The following NRXN3 variants were observed in gnomAD, a reference collection of about 807,000 sequenced individuals.
NRXN3 encodes the protein neurexin III.
Under a neutral mutation model 137.6 loss-of-function variants are expected in NRXN3, and 32 were observed. The observed-to-expected ratio is 0.23, with a 90% CI of 0.18 to 0.31. The LOEUF is 0.31. NRXN3 is among the 10% of genes least tolerant of loss of function. The pLI, the probability that NRXN3 is intolerant of heterozygous loss-of-function variation, is 1.00. For missense variants in NRXN3, 1,574 were observed against 2,062.5 expected (o/e 0.76, Z 4.59); for synonymous variants, 798 against 784.5 (o/e 1.02, Z -0.29).
At chr14:78,856,141 G>A (rs528525692) in intron 10 of NRXN3, among the ~76,000 whole-genome samples, 1 of 152,270 alleles carries the variant, frequency 6.6e-6, no homozygotes, top group South Asian at 2.1e-4. Context: ...ATGCCTACAG[G>A]CATTCCACAG....
intron 19 of NRXN3, among the ~76,000 whole-genome samples, chr14:79,793,447 C>T (rs947645851): frequency 8.6e-5 from 13 of 152,040 alleles, no homozygotes; most frequent in African/African-American, 3.1e-4. Context: ...AAACAAAGAC[C>T]CACAGTCATG....
At chr14:79,213,375 A>G (rs2153226749) in intron 15 of NRXN3, among the ~76,000 whole-genome samples, 1 of 152,310 alleles carries the variant, frequency 6.6e-6, no homozygotes, top group East Asian at 1.9e-4. Context: ...TCTATTAAAA[A>G]GTTTAATTTG....
Position 79,863,789 on chromosome 14 carries a change from G to T in NRXN3, c.*1825G>T, listed in dbSNP as rs12879016. On this transcript the variant is annotated 3_prime_UTR_variant, in exon 21 of 21. Transcript: ENST00000335750. ...ATGAAGTGTGTCCTCTGGAGGGTCA[G>T]ATATACAATTTCTTTTGTACAGATG... 106,276 of 152,440 alleles carry T rather than the reference G, an allele frequency of 0.7. 39,372 individuals carry two copies. The highest frequency in any genetic ancestry group is 0.81 in the Admixed American group (12,318 of 15,280). The allele number at this position is 152,440 out of a possible 1,614,324, so 9.4% of individuals were successfully genotyped here.
chr14:78,291,139 A>G (rs2075766302), intron 3 of NRXN3, among the ~76,000 whole-genome samples: 1 of 152,172 alleles, frequency 6.6e-6, no homozygotes, highest in South Asian at 2.1e-4. Context: ...TTTCTTCTCC[A>G]TTAGCACTGA....
chr14:79,762,251 A>G (rs1159667959), intron 19 of NRXN3, among the ~76,000 whole-genome samples: 1 of 151,696 alleles, frequency 6.6e-6, no homozygotes, highest in East Asian at 1.9e-4. Context: ...TATTCCTTGT[A>G]AGAAAATTAG....
At chr14:78,916,724 C>T (rs947330935) in intron 10 of NRXN3, among the ~76,000 whole-genome samples, 1 of 152,184 alleles carries the variant, frequency 6.6e-6, no homozygotes, top group African/African-American at 2.4e-5. Context: ...TACTAGTTTA[C>T]AAGGGCTGCC....
chr14:79,332,973 A>G (rs1051007486), intron 15 of NRXN3, among the ~76,000 whole-genome samples: 1 of 152,088 alleles, frequency 6.6e-6, no homozygotes, highest in African/African-American at 2.4e-5. Context: ...CTAGAGTTTT[A>G]TCCTTACCAA....
At position 78,242,984 on chromosome 14, in the gene NRXN3, G is replaced by A; in HGVS notation, c.-110G>A. ...GCTGCCTTCCTCCTGTGTGCTTTCT[G>A]TCCCCCCATCTCTGTCTTGTCTTTC... On this transcript the variant is annotated 5_prime_UTR_variant, in exon 2 of 21. Transcript: ENST00000335750. 1.4e-6 allele frequency: 1 copy of A among 731,418 alleles called. No homozygotes were observed. Among genetic ancestry groups the A allele is most frequent in the Admixed American group, 2.9e-5 (1 of 34,038 alleles). The allele number at this position is 731,418 out of a possible 1,614,324, so 45.3% of individuals were successfully genotyped here. A position where few individuals can be genotyped will look rare whatever the true frequency, so the allele number is the denominator to read the frequency against.
intron 14 of NRXN3, among the ~76,000 whole-genome samples, chr14:78,984,638 C>T (rs2099498381): frequency 6.6e-6 from 1 of 152,200 alleles, no homozygotes; most frequent in African/African-American, 2.4e-5. Context: ...TATGAGCAGG[C>T]ATCTGAACCA....
At chr14:78,934,493 G>A (rs968517032) in intron 10 of NRXN3, among the ~76,000 whole-genome samples, 4 of 152,162 alleles carry the variant, frequency 2.6e-5, no homozygotes, top group South Asian at 2.1e-4. Flanking sequence ...TGTTTCTGAG[G>A]AAGAAGGCAG....
chr14:79,824,096 T>C (rs2099282209), intron 20 of NRXN3, among the ~76,000 whole-genome samples: 1 of 152,230 alleles, frequency 6.6e-6, no homozygotes, highest in Admixed American at 6.5e-5. Flanking sequence ...GTTGTGTACA[T>C]ACTTAATGCC....
At chr14:78,584,459 G>A (rs1263450385) in intron 4 of NRXN3, among the ~76,000 whole-genome samples, 1 of 152,108 alleles carries the variant, frequency 6.6e-6, no homozygotes, top group African/African-American at 2.4e-5. Context: ...GTTCTAAAAA[G>A]GCTATGGTCC....
intron 15 of NRXN3, among the ~76,000 whole-genome samples, chr14:79,202,582 C>T (rs1169502446): frequency 6.6e-6 from 1 of 152,076 alleles, no homozygotes; most frequent in East Asian, 1.9e-4. Flanking sequence ...ACTGTAATAC[C>T]TTTGCGTCCT....
At chr14:78,350,530 G>A (rs1163581298) in intron 4 of NRXN3, among the ~76,000 whole-genome samples, 1 of 152,122 alleles carries the variant, frequency 6.6e-6, no homozygotes, top group Non-Finnish European at 1.5e-5. Flanking sequence ...GCCAAAGAGG[G>A]AAGCAGAAAC....
chr14:78,546,573 A>G (rs1437279708), intron 4 of NRXN3, among the ~76,000 whole-genome samples: 1 of 152,152 alleles, frequency 6.6e-6, no homozygotes, highest in African/African-American at 2.4e-5. Flanking sequence ...CCCCACCTTT[A>G]AAAAGTGTGT....
intron 15 of NRXN3, among the ~76,000 whole-genome samples, chr14:79,366,371 A>G (rs1339683941): frequency 6.6e-6 from 1 of 152,140 alleles, no homozygotes; most frequent in Non-Finnish European, 1.5e-5. Flanking sequence ...ATTGTTGACT[A>G]TAGTCACCCT....
intron 10 of NRXN3, among the ~76,000 whole-genome samples, chr14:78,918,124 A>G (rs566023766): frequency 1.3e-5 from 2 of 151,844 alleles, no homozygotes; most frequent in East Asian, 3.9e-4. Context: ...CGTCTCTACT[A>G]AAAATACAAA....
chr14:79,136,591 T>A (rs948757484), intron 15 of NRXN3, among the ~76,000 whole-genome samples: 3 of 152,142 alleles, frequency 2.0e-5, no homozygotes, highest in African/African-American at 7.2e-5. Context: ...GAATCACAAA[T>A]TCATTACATT....
intron 15 of NRXN3, among the ~76,000 whole-genome samples, chr14:79,095,586 A>G (rs2050163389): frequency 6.6e-6 from 1 of 151,958 alleles, no homozygotes; most frequent in African/African-American, 2.4e-5. Flanking sequence ...GCAATGCTTT[A>G]GGTGTTGAAG....
Sources: gnomAD v4.1 joint callset for allele counts (sites outside exome capture counted in the v4.1 genomes callset) on GRCh38, gnomAD v4.1.1 for gene constraint, MANE v1.5 for transcripts, NCBI Gene and HGNC (gene_info 2026-07-23, HGNC 2026-07-21) for gene names.